Variants in TFB1M observed in about 807,000 individuals in gnomAD.
The protein encoded by TFB1M is transcription factor B1, mitochondrial.
TFB1M carries 27 observed loss-of-function variants against 31.1 expected under a neutral mutation model. The ratio of observed to expected loss-of-function variants is 0.87; its 90% CI spans 0.64 to 1.20. TFB1M has a LOEUF of 1.20. TFB1M is among the 50% of genes most tolerant of loss of function. The pLI, the probability that TFB1M is intolerant of heterozygous loss-of-function variation, is 0.00. For missense variants in TFB1M, 394 were observed against 418.7 expected (o/e 0.94, Z 0.51); for synonymous variants, 166 against 151.8 (o/e 1.09, Z -0.69).
downstream of TFB1M, chr6:155,254,217 T>C (rs370449682): frequency 2.0e-6 from 2 of 986,002 alleles, no homozygotes; most frequent in Non-Finnish European, 3.0e-6. Flanking sequence ...TAGGAGACTA[T>C]GTTGATTAAA....
chr6:155,289,392 G>A (rs1192043497), intron 4 of TFB1M, among the ~76,000 whole-genome samples: 1 of 152,062 alleles, frequency 6.6e-6, no homozygotes, highest in Non-Finnish European at 1.5e-5. Context: ...ATGACCTTCT[G>A]GAAGGCATTA....
chr6:155,314,226 G>A, intron 1 of TFB1M, 70 bp downstream of exon 1: 2 of 1,591,480 alleles, frequency 1.3e-6, no homozygotes, highest in South Asian at 2.3e-5. Flanking sequence ...GCGGGGACGT[G>A]CAAGACCCCC....
chr6:155,247,312 C>T, the TFB1M span, among the ~76,000 whole-genome samples: 11 of 152,248 alleles, frequency 7.2e-5, no homozygotes, highest in South Asian at 2.3e-3. Flanking sequence ...GTCTGGATAA[C>T]ATTGCTTAAT....
chr6:155,239,987 G>T, the TFB1M span, among the ~76,000 whole-genome samples: 2 of 152,214 alleles, frequency 1.3e-5, no homozygotes, highest in East Asian at 3.9e-4. Flanking sequence ...CTTGCCACAA[G>T]ACTGTGGAGC....
the TFB1M span, among the ~76,000 whole-genome samples, chr6:155,239,360 A>G: frequency 0.06 from 9,108 of 152,254 alleles, 342 homozygotes; most frequent in East Asian, 0.19. Context: ...TGTGCTGGCC[A>G]GTGAGCTGGC....
chr6:155,284,604 A>T (rs562720467), intron 5 of TFB1M, among the ~76,000 whole-genome samples: 1 of 152,340 alleles, frequency 6.6e-6, no homozygotes, highest in South Asian at 2.1e-4. Flanking sequence ...CGGTTTTTTT[A>T]ATTTTAATTT....
chr6:155,264,978 G>T (rs1784558420), intron 5 of TFB1M, among the ~76,000 whole-genome samples: 1 of 152,224 alleles, frequency 6.6e-6, no homozygotes, highest in African/African-American at 2.4e-5. Context: ...GACAATTGTT[G>T]TATAAAGGTT....
downstream of TFB1M, among the ~76,000 whole-genome samples, chr6:155,252,260 C>T (rs367864278): frequency 2.0e-5 from 3 of 152,158 alleles, no homozygotes; most frequent in African/African-American, 7.2e-5. Flanking sequence ...AGGCTTGAGC[C>T]CAGGAATTTG....
intron 4 of TFB1M, among the ~76,000 whole-genome samples, chr6:155,295,949 G>T (rs1270807869): frequency 6.6e-6 from 1 of 152,074 alleles, no homozygotes. Context: ...TGGTATTTGT[G>T]GGGGTTCTGG....
At chr6:155,246,337 GAAGAA>G in the TFB1M span, among the ~76,000 whole-genome samples, 4 of 152,098 alleles carry the variant, frequency 2.6e-5, no homozygotes, top group Admixed American at 6.6e-5. Flanking sequence ...TGATATCCCA[GAAGAA>G]AAGCCCCACA....
chr6:155,291,346 T>A (rs1439533250), intron 4 of TFB1M, among the ~76,000 whole-genome samples: 1 of 152,134 alleles, frequency 6.6e-6, no homozygotes, highest in African/African-American at 2.4e-5. Flanking sequence ...ACAAGAATGG[T>A]TTCTGTCAGA....
At chr6:155,265,670 G>A (rs1235195995) in intron 5 of TFB1M, among the ~76,000 whole-genome samples, 3 of 141,586 alleles carry the variant, frequency 2.1e-5, no homozygotes, top group Non-Finnish European at 4.6e-5. Context: ...CAGAACTAAT[G>A]GAATATATAT....
intron 4 of TFB1M, among the ~76,000 whole-genome samples, chr6:155,296,284 G>C (rs1359015176): frequency 1.3e-5 from 2 of 151,986 alleles, no homozygotes; most frequent in East Asian, 1.9e-4. Context: ...CGCCGAGACA[G>C]AGTCTTGCTC....
chr6:155,256,994 A>G lies in TFB1M; in HGVS notation c.*842T>C, dbSNP rs752294950. The G allele has an allele frequency of 1.9e-6, 3 of 1,614,222 alleles. No individual in the cohort carries two copies. Among genetic ancestry groups the G allele is most frequent in the Non-Finnish European group, 2.5e-6 (3 of 1,180,042 alleles). ...GCGCAGATCCGTCACCAGTCCCTTG[A>G]CAGTCAGTCTGAAAATGCCACCATC... On this transcript the variant is annotated 3_prime_UTR_variant, in exon 7 of 7. Coordinates refer to ENST00000367166, the MANE Select transcript of TFB1M (RefSeq NM_016020.4).
At chr6:155,273,146 A>G (rs551795540) in intron 5 of TFB1M, among the ~76,000 whole-genome samples, 43 of 152,332 alleles carry the variant, frequency 2.8e-4, no homozygotes, top group African/African-American at 1.0e-3. Flanking sequence ...GCTATTACAA[A>G]ACTGTAAACA....
chr6:155,307,136 T>TACATAC (rs934986395), intron 2 of TFB1M, among the ~76,000 whole-genome samples: 18 of 147,354 alleles, frequency 1.2e-4, no homozygotes, highest in African/African-American at 4.3e-4. Context: ...CTCAAACACA[T>TACATAC]ACACACACAC....
chr6:155,286,585 GTATATGTGTGTA>G lies in TFB1M; in HGVS notation c.547-1320_547-1309del, dbSNP rs1415378410. On this transcript the variant is annotated intron_variant, in intron 4 of 6. Coordinates refer to ENST00000367166, the MANE Select transcript of TFB1M (RefSeq NM_016020.4). ...TATGTATATATATACATGTGTATAT[GTATATGTGTGTA>G]TATATGTGTGTATATATATGTGTAT... Among the ~76,000 whole-genome samples the G allele has an allele frequency of 3.7e-3, 537 of 146,358 alleles. 5 individuals carry two copies. The highest frequency in any genetic ancestry group is 5.7e-3 in the Non-Finnish European group (380 of 66,960).
chr6:155,230,403 C>G, the TFB1M span, among the ~76,000 whole-genome samples: 2 of 152,214 alleles, frequency 1.3e-5, no homozygotes, highest in Non-Finnish European at 2.9e-5. Context: ...AACCCTGGCT[C>G]CAGTGTTAGC....
At chr6:155,307,175 ACAGACAAATC>A (rs536456133) in intron 2 of TFB1M, among the ~76,000 whole-genome samples, 21 of 152,228 alleles carry the variant, frequency 1.4e-4, no homozygotes, top group Middle Eastern at 3.4e-3. Context: ...ACATATACAC[ACAGACAAATC>A]CTCAGTAATT....
Sources: allele counts gnomAD v4.1 joint callset (sites outside exome capture counted in the v4.1 genomes callset), GRCh38; gene constraint gnomAD v4.1.1; transcripts MANE v1.5; gene names NCBI Gene and HGNC (gene_info 2026-07-23, HGNC 2026-07-21).